The following CPQ variants were observed in gnomAD, a reference collection of about 807,000 sequenced individuals.
CPQ encodes the protein carboxypeptidase Q.
CPQ carries 37 observed loss-of-function variants against 45.7 expected under a neutral mutation model. The observed-to-expected ratio is 0.81, with a 90% CI of 0.62 to 1.07. CPQ has a LOEUF of 1.07. Ranked by LOEUF, CPQ falls within the 50% of genes least tolerant of loss-of-function variation. CPQ has a pLI of 0.00. For synonymous variants in CPQ, 186 were observed against 205.8 expected, an observed-to-expected ratio of 0.90 and a Z score of 0.82; for missense variants, 537 against 572.9, an observed-to-expected ratio of 0.94 and a Z score of 0.64.
At chr8:96,889,162 G>T (rs543570337) in intron 4 of CPQ, among the ~76,000 whole-genome samples, 5 of 152,306 alleles carry the variant, frequency 3.3e-5, no homozygotes, top group Middle Eastern at 6.8e-3. Flanking sequence ...CAGCGCGAAG[G>T]CACTGTAGAG....
chr8:96,800,017 G>T (rs1043238198), intron 2 of CPQ, among the ~76,000 whole-genome samples: 13 of 152,162 alleles, frequency 8.5e-5, no homozygotes, highest in Non-Finnish European at 1.0e-4. Context: ...TGCTGAATTT[G>T]ATTGCGTCAG....
Position 96,863,767 on chromosome 8 carries a change from C to T in CPQ, c.642-16031C>T, listed in dbSNP as rs372110952. Among the ~76,000 whole-genome samples, 10 of 152,096 alleles carry T rather than the reference C, an allele frequency of 6.6e-5. No homozygotes were observed. In the East Asian group the frequency reaches 1.7e-3, roughly 27 times the overall value. ...GGCTCTTCTCAGGTGAGTAGCTGCA[C>T]GCCAAAGTGTCTCAGTGACAGCATT... On this transcript the variant is annotated intron_variant, in intron 3 of 7. Transcript: ENST00000220763.
chr8:97,118,817 TA>T (rs1287509975), intron 7 of CPQ, among the ~76,000 whole-genome samples: 1 of 152,200 alleles, frequency 6.6e-6, no homozygotes, highest in East Asian at 1.9e-4. Flanking sequence ...ATATAGCATA[TA>T]TACACACATA....
intron 1 of CPQ, among the ~76,000 whole-genome samples, chr8:96,687,977 G>A (rs1393926003): frequency 2.6e-5 from 4 of 151,662 alleles, no homozygotes; most frequent in African/African-American, 9.7e-5. Flanking sequence ...ATTTTATTTA[G>A]GTTTTCCATA....
At chr8:96,821,095 G>GA (rs1271688414) in intron 2 of CPQ, among the ~76,000 whole-genome samples, 6 of 119,154 alleles carry the variant, frequency 5.0e-5, no homozygotes, top group African/African-American at 1.9e-4. Flanking sequence ...AGAAATGTCT[G>GA]TTCAAACCTT....
intron 3 of CPQ, among the ~76,000 whole-genome samples, chr8:96,857,338 C>T (rs562941201): frequency 8.6e-4 from 131 of 152,260 alleles, no homozygotes; most frequent in African/African-American, 3.1e-3. Flanking sequence ...CACAAAAACC[C>T]CCGCCTCCTC....
chr8:97,085,078 A>G (rs1051078834), intron 7 of CPQ, among the ~76,000 whole-genome samples: 3 of 151,990 alleles, frequency 2.0e-5, no homozygotes, highest in African/African-American at 4.8e-5. Context: ...TTTATATTAT[A>G]TATGTAATTA....
chr8:96,666,286 T>C (rs1187844589), intron 1 of CPQ, among the ~76,000 whole-genome samples: 1 of 152,184 alleles, frequency 6.6e-6, no homozygotes, highest in Non-Finnish European at 1.5e-5. Context: ...ATGAAAGGCA[T>C]GCTTACAGGG....
At chr8:96,802,998 C>G (rs1487625944) in intron 2 of CPQ, among the ~76,000 whole-genome samples, 1 of 151,636 alleles carries the variant, frequency 6.6e-6, no homozygotes, top group Admixed American at 6.6e-5. Flanking sequence ...CATACACACA[C>G]ACACACACAC....
At chr8:97,122,937 A>AAAATAAAAT (rs1811741913) in intron 7 of CPQ, among the ~76,000 whole-genome samples, 2 of 53,454 alleles carry the variant, frequency 3.7e-5, no homozygotes, top group African/African-American at 2.5e-4. Flanking sequence ...TAAATAAAAT[A>AAAATAAAAT]AAATAAAATA....
intron 1 of CPQ, among the ~76,000 whole-genome samples, chr8:96,651,605 A>G (rs1029917870): frequency 2.0e-5 from 3 of 152,152 alleles, no homozygotes; most frequent in African/African-American, 7.2e-5. Context: ...CAAGTAGACA[A>G]AGTCAAATGG....
intron 6 of CPQ, among the ~76,000 whole-genome samples, chr8:97,043,419 AT>A (rs1436296346): frequency 6.6e-6 from 1 of 151,972 alleles, no homozygotes; most frequent in Admixed American, 6.6e-5. Flanking sequence ...CAGCACACTG[AT>A]GGGTCTTGAC....
At chr8:97,043,166 G>A (rs1196088730) in intron 6 of CPQ, among the ~76,000 whole-genome samples, 1 of 152,168 alleles carries the variant, frequency 6.6e-6, no homozygotes, top group Non-Finnish European at 1.5e-5. Flanking sequence ...GAATCTGGGT[G>A]CTCCTGTATT....
chr8:96,824,754 G>A (rs1012823260), intron 2 of CPQ, among the ~76,000 whole-genome samples: 9 of 152,082 alleles, frequency 5.9e-5, no homozygotes, highest in Admixed American at 5.9e-4. Flanking sequence ...TTAAATGGAT[G>A]CCTGGTTTTC....
intron 1 of CPQ, among the ~76,000 whole-genome samples, chr8:96,722,047 C>CT (rs1268061031): frequency 6.6e-6 from 1 of 152,158 alleles, no homozygotes. Context: ...ATTAACAGTT[C>CT]TTTTTTTCTT....
chr8:96,805,866 C>T (rs565699631), intron 2 of CPQ, among the ~76,000 whole-genome samples: 2 of 151,866 alleles, frequency 1.3e-5, no homozygotes, highest in Admixed American at 6.6e-5. Flanking sequence ...TCTTACATTC[C>T]CTCCACCATA....
intron 1 of CPQ, among the ~76,000 whole-genome samples, chr8:96,744,975 C>G (rs747015140): frequency 6.6e-6 from 1 of 152,124 alleles, no homozygotes; most frequent in African/African-American, 2.4e-5. Context: ...ATCCCTATGG[C>G]CCCCAATAGC....
At chr8:96,837,396 C>T (rs1206963681) in intron 3 of CPQ, among the ~76,000 whole-genome samples, 2 of 152,192 alleles carry the variant, frequency 1.3e-5, no homozygotes, top group South Asian at 2.1e-4. Flanking sequence ...GGACATTTTT[C>T]AGGCCATCAT....
intron 1 of CPQ, among the ~76,000 whole-genome samples, chr8:96,689,114 T>A (rs923931630): frequency 6.6e-6 from 1 of 152,208 alleles, no homozygotes; most frequent in African/African-American, 2.4e-5. Context: ...CAGAATTGAA[T>A]CACATGTTCA....
Sources: gnomAD v4.1 joint callset for allele counts (sites outside exome capture counted in the v4.1 genomes callset) on GRCh38, gnomAD v4.1.1 for gene constraint, MANE v1.5 for transcripts, NCBI Gene and HGNC (gene_info 2026-07-23, HGNC 2026-07-21) for gene names.